The following SLC16A11 variants were observed in gnomAD, a reference collection of about 807,000 sequenced individuals.
SLC16A11 encodes the protein solute carrier family 16 member 11.
In SLC16A11, 24 loss-of-function variants were observed where a neutral mutation model predicts 26.0. The observed-to-expected ratio is 0.92, with a 90% confidence interval of 0.67 to 1.30. The LOEUF is 1.30. SLC16A11 is among the 50% of genes most tolerant of loss of function. The pLI, the probability that SLC16A11 is intolerant of heterozygous loss-of-function variation, is 0.00. For missense variants in SLC16A11, 638 were observed against 597.7 expected, an observed-to-expected ratio of 1.07 and a Z score of -0.70; for synonymous variants, 332 against 296.0, an observed-to-expected ratio of 1.12 and a Z score of -1.25.
At chr17:7,043,199 T>G in intron 2 of SLC16A11, 113 bp downstream of exon 2, 1 of 1,478,406 alleles carries the variant, frequency 6.8e-7, no homozygotes, top group Non-Finnish European at 8.9e-7. Flanking sequence ...ATGCACTCTT[T>G]TCTAGAGCCG....
At position 7,042,499 on chromosome 17, in the gene SLC16A11, C is replaced by A. The variant is rs34269551; in HGVS notation, c.611G>T (p.Arg204Leu). The change falls in exon 4 of 5, where the codon CGT becomes CTT. Residue 204 changes from arginine (R) to leucine (L), a missense_variant. Physicochemically the swap from Arg to Leu is moderately radical, Grantham distance 102. Coordinates refer to ENST00000574600, the MANE Select transcript of SLC16A11 (RefSeq NM_001370549.1). The surrounding 1 kb of genome is among the most constrained non-coding windows in gnomAD (Gnocchi z 5.9). ...VLPGDPPAPP[R>L]SPLAALGLSL... ...CAGGCCGAGGGCAGCTAGGGGACTA[C>A]GCGGTGGGGCTGGGGGGTCTCCAGG... 1.1e-5 allele frequency: 17 copies of A among 1,561,206 alleles called. No homozygotes were observed. The highest frequency in any genetic ancestry group is 3.5e-5 in the South Asian group (3 of 85,008).
chr17:7,043,995 G>A lies in SLC16A11; in HGVS notation c.-227C>T, dbSNP rs182793146. The A allele has an allele frequency of 6.9e-4, 122 of 177,582 alleles. 4 individuals are homozygous for A. In the East Asian group the frequency reaches 0.011, roughly 16 times the overall value. 11.0% of individuals were successfully genotyped at this position (177,582 alleles called of 1,614,324 possible). On this transcript the variant is annotated 5_prime_UTR_variant, in exon 1 of 5. Transcript: ENST00000574600. ...GGGGGCGAGCTGAAACAGCCAATCC[G>A]GCAAGCCGCGCGTGAGGCCAGACGC...
Position 7,042,652 on chromosome 17 carries a change from G to A in SLC16A11, c.458C>T (p.Ser153Leu), listed in dbSNP as rs753353144. Residue 153 changes from serine (S) to leucine (L), a missense_variant, in exon 4 of 5, where the codon TCG (serine) becomes TTG (leucine). Ser to Leu is a moderately radical substitution (Grantham distance 145, BLOSUM62 -2). Transcript: ENST00000574600. This position sits in a 1 kb window ranked among gnomAD's most constrained non-coding sequence, Gnocchi z 5.9. ...CTGCAAGGCGGGCGCCAGGAGCAGC[G>A]AGGAGGCCCCGTTGCCGGTGAGCGC... The part of the protein sequence containing the change: ...GLALTGNGAS[S>L]LLLAPALQLL... The A allele has an allele frequency of 1.2e-5, 19 of 1,565,688 alleles. No individual in the cohort carries two copies. Among genetic ancestry groups the A allele is most frequent in the Non-Finnish European group, 1.4e-5 (16 of 1,159,758 alleles).
chr17:7,043,237 T>A (rs1910846956), intron 2 of SLC16A11, 75 bp downstream of exon 2: 7 of 1,525,704 alleles, frequency 4.6e-6, no homozygotes, highest in Admixed American at 2.1e-5. Context: ...TGTCGGGTAA[T>A]CAGGTGGGTC....
In SLC16A11 at chr17:7,043,061, C is replaced by G. The variant is rs767901540; in HGVS notation, c.215G>C (p.Ser72Thr). The G allele has an allele frequency of 2.6e-6, 4 of 1,553,854 alleles. No individual in the cohort carries two copies. Among genetic ancestry groups the G allele is most frequent in the Admixed American group, 2.0e-5 (1 of 50,710 alleles). The change falls in exon 3 of 5, where the codon AGC becomes ACC. Residue 72 changes from serine to threonine, a missense_variant. Physicochemically the swap from Ser to Thr is moderately conservative, Grantham distance 58. Coordinates refer to ENST00000574600, the MANE Select transcript of SLC16A11 (RefSeq NM_001370549.1). Reference sequence around the variant, plus strand: ...GGCCCCCCAGCGCGTGCTCAGGGCGCTGCCCACGGGGCCTGAAAGGGGGCG... The same window carrying G: ...GGCCCCCCAGCGCGTGCTCAGGGCGGTGCCCACGGGGCCTGAAAGGGGGCG... ...AVQQAASPVG[S>T]ALSTRWGARP...
At position 7,042,675 on chromosome 17, in the gene SLC16A11, C is replaced by A. The variant is rs528306978; in HGVS notation, c.435G>T (p.Ala145=). 2 of 1,555,426 alleles carry A rather than the reference C, an allele frequency of 1.3e-6. No homozygotes were observed. Among genetic ancestry groups the A allele is most frequent in the Non-Finnish European group, 1.7e-6 (2 of 1,154,832 alleles). ...GCGAGGAGGCCCCGTTGCCGGTGAG[C>A]GCCAGCCCCACCGCCAAGACTCGAC... ...SRRRVLAVGL[A]LTGNGASSLL... The change falls in exon 4 of 5, where the codon GCG becomes GCT. Residue 145 remains alanine (A), a synonymous_variant. Transcript: ENST00000574600. This position sits in a 1 kb window ranked among gnomAD's most constrained non-coding sequence, Gnocchi z 5.9.
Position 7,044,060 on chromosome 17 carries a change from C to G in SLC16A11, c.-292G>C, listed in dbSNP as rs1325625877. On this transcript the variant is annotated 5_prime_UTR_variant, in exon 1 of 5. Coordinates refer to ENST00000574600, the MANE Select transcript of SLC16A11 (RefSeq NM_001370549.1). Reference sequence around the variant, plus strand: ...TTGAATTATGTACACACACAACCCCCAGGCCCGGGGGAGGGGGGAGCGGCG... The same window carrying G: ...TTGAATTATGTACACACACAACCCCGAGGCCCGGGGGAGGGGGGAGCGGCG... 1 of 155,646 alleles carries G rather than the reference C, an allele frequency of 6.4e-6. No homozygotes were observed. Among genetic ancestry groups the G allele is most frequent in the Admixed American group, 6.5e-5 (1 of 15,432 alleles). The allele number at this position is 155,646 out of a possible 1,614,324, so 9.6% of individuals were successfully genotyped here. A position where few individuals can be genotyped will look rare whatever the true frequency, so the allele number is the denominator to read the frequency against.
Position 7,043,380 on chromosome 17 carries a change from T to G in SLC16A11, c.134A>C (p.His45Pro). The change falls in exon 2 of 5, where the codon CAC becomes CCC. Residue 45 changes from histidine to proline, a missense_variant. Physicochemically the swap from His to Pro is moderately conservative, Grantham distance 77. Coordinates refer to ENST00000574600, the MANE Select transcript of SLC16A11 (RefSeq NM_001370549.1). ...AGTGTCCTGGGCGCTTCGGTCAAAG[T>G]GCTCGGCAAGGTCAGGGAAGGCAAG... ...LGLAFPDLAE[H>P]FDRSAQDTAW... The G allele has an allele frequency of 6.2e-7, 1 of 1,610,268 alleles. No individual in the cohort carries two copies. Among genetic ancestry groups the G allele is most frequent in the East Asian group, 2.2e-5 (1 of 44,868 alleles).
At position 7,043,477 on chromosome 17, in the gene SLC16A11, A is replaced by AGCCCCC. The variant is rs770500887; in HGVS notation, c.31_36dup (p.Gly11_Gly12dup). ...GCTGCGGCCGCCACCACCCAGCCCC[A>AGCCCCC]GCCCCCATCCGGGGGTCCGGCGGGC... is the stretch of plus-strand genomic sequence containing the variant. On this transcript the variant is annotated inframe_insertion, in exon 2 of 5. Coordinates refer to ENST00000574600, the MANE Select transcript of SLC16A11 (RefSeq NM_001370549.1). 34 of 1,598,734 alleles carry AGCCCCC rather than the reference A, an allele frequency of 2.1e-5. No individual in the cohort carries two copies. Among genetic ancestry groups the AGCCCCC allele is most frequent in the Non-Finnish European group, 2.9e-5 (34 of 1,177,770 alleles).
In SLC16A11 at chr17:7,041,632, C is replaced by T; in HGVS notation, c.*47G>A. 6.6e-7 allele frequency: 1 copy of T among 1,511,170 alleles called. No homozygotes were observed. Among genetic ancestry groups the T allele is most frequent in the South Asian group, 1.3e-5 (1 of 77,782 alleles). 93.6% of individuals were successfully genotyped at this position (1,511,170 alleles called of 1,614,324 possible). ...TGAACAGTTGGAGGTTTCAGGAAAA[C>T]CCGATAAAAATTCTTTATTGGGGGA... On this transcript the variant is annotated 3_prime_UTR_variant, in exon 5 of 5. Coordinates refer to ENST00000574600, the MANE Select transcript of SLC16A11 (RefSeq NM_001370549.1).
At position 7,041,732 on chromosome 17, in the gene SLC16A11, C is replaced by A; in HGVS notation, c.1291G>T (p.Ala431Ser). The change falls in exon 5 of 5, where the codon GCA becomes TCA. Residue 431 changes from alanine (A) to serine (S), a missense_variant. By Grantham distance (99) the Ala-to-Ser change is moderately conservative. Transcript: ENST00000574600. ...ETGELLPAPQ[A>S]VLLSPGGPGS... ...GGGCCTCCTGGGGACAGCAAGACTG[C>A]CTGGGGAGCGGGAAGCAGCTCCCCC... 6.2e-7 allele frequency: 1 copy of A among 1,613,128 alleles called. No homozygotes were observed. The highest frequency in any genetic ancestry group is 1.1e-5 in the South Asian group (1 of 91,050).
In SLC16A11 at chr17:7,042,146, C is replaced by G; in HGVS notation, c.964G>C (p.Ala322Pro). The stretch of plus-strand genomic sequence containing the variant: ...CCCGCGCTCAGCCCATAGGCCACAG[C>G]CGCGGCCAGCAGGGGACCCCCCCAG... Reference protein sequence around the residue: ...ESWGGPLLAAAVAYGLSAGSY... With the variant: ...ESWGGPLLAAPVAYGLSAGSY... The change falls in exon 4 of 5, where the codon GCT (alanine) becomes CCT (proline). Residue 322 changes from alanine to proline, a missense_variant. Ala to Pro is a conservative substitution (Grantham distance 27). Transcript: ENST00000574600. The surrounding 1 kb of genome is among the most constrained non-coding windows in gnomAD (Gnocchi z 5.9). The G allele has an allele frequency of 6.3e-7, 1 of 1,584,904 alleles. No homozygotes were observed. The highest frequency in any genetic ancestry group is 8.6e-7 in the Non-Finnish European group (1 of 1,166,440).
chr17:7,042,042 C>A lies in SLC16A11; in HGVS notation c.1068G>T (p.Val356=). The A allele has an allele frequency of 6.3e-7, 1 of 1,594,742 alleles. No homozygotes were observed. The change falls in exon 4 of 5, where the codon GTG becomes GTT. Residue 356 remains valine, a synonymous_variant. Coordinates refer to ENST00000574600, the MANE Select transcript of SLC16A11 (RefSeq NM_001370549.1). The surrounding 1 kb of genome is among the most constrained non-coding windows in gnomAD (Gnocchi z 5.9). The stretch of plus-strand genomic sequence containing the variant: ...GCCCCCCGAGGCTCATCAGCATCAT[C>A]ACCAGCCCTGTGGCCTGCACCACAC... ...VGGVVQATGL[V]MMLMSLGGLL...
chr17:7,043,240 G>A (rs35634464), intron 2 of SLC16A11, 72 bp downstream of exon 2: 306,306 of 1,529,856 alleles, frequency 0.2, 35,065 homozygotes, highest in Non-Finnish European at 0.24. Flanking sequence ...CGGGTAATCA[G>A]GTGGGTCTCC....
intron 2 of SLC16A11, 40 bp from the exon 3 acceptor site, chr17:7,043,113 C>T (rs1597347846): frequency 6.7e-7 from 1 of 1,487,552 alleles, no homozygotes; most frequent in South Asian, 1.4e-5. Flanking sequence ...CGCCCCCGGG[C>T]CCCCAAACTC....
chr17:7,043,029 CG>C lies in SLC16A11; in HGVS notation c.246del (p.Val83TrpfsTer2). 9 of 1,581,640 alleles carry C rather than the reference CG, an allele frequency of 5.7e-6. No homozygotes were observed. Among genetic ancestry groups the C allele is most frequent in the Non-Finnish European group, 6.9e-6 (8 of 1,163,778 alleles). ...SALSTRWGAR[P>X]VVMVGGVLAS... ...GCGAGGACGCCCCCAACCATCACCA[CG>C]GGGCGGGCCCCCCAGCGCGTGCTCA... On this transcript the variant is annotated frameshift_variant, in exon 3 of 5. Transcript: ENST00000574600. LOFTEE classifies it high-confidence loss of function.
Position 7,042,272 on chromosome 17 carries a change from CT to C in SLC16A11, c.837del (p.Gly280AlafsTer15). On this transcript the variant is annotated frameshift_variant, in exon 4 of 5. Transcript: ENST00000574600. LOFTEE classifies it high-confidence loss of function. The surrounding 1 kb of genome is among the most constrained non-coding windows in gnomAD (Gnocchi z 5.9). ...ARLVCGWLAD[Q>X]GWVPLPRLLA... The stretch of plus-strand genomic sequence containing the variant: ...AGCAGCCGCGGGAGGGGCACCCAGC[CT>C]TGGTCTGCCAGCCACCCGCAGACCA... The C allele has an allele frequency of 6.4e-7, 1 of 1,572,474 alleles. No homozygotes were observed. The highest frequency in any genetic ancestry group is 8.6e-7 in the Non-Finnish European group (1 of 1,159,368).
At position 7,042,377 on chromosome 17, in the gene SLC16A11, C is replaced by CCCTAAA. The variant is rs752571975; in HGVS notation, c.732_733insTTTAGG (p.His244_Ala245insPheArg). The CCCTAAA allele has an allele frequency of 9.6e-6, 15 of 1,565,862 alleles. No homozygotes were observed. The African/African-American group carries it at 2.0e-4, about 21-fold the overall frequency. ...TATCCCCCCAGGCCCCGGTCTAAAG[C>CCCTAAA]GTGGGGAGCCAAGTGCACGTAAGGA... On this transcript the variant is annotated inframe_insertion, in exon 4 of 5. Transcript: ENST00000574600. The surrounding 1 kb of genome is among the most constrained non-coding windows in gnomAD (Gnocchi z 5.9).
At position 7,042,582 on chromosome 17, in the gene SLC16A11, G is replaced by A. The variant is rs1477537261; in HGVS notation, c.528C>T (p.Leu176=). 3.2e-6 allele frequency: 5 copies of A among 1,584,134 alleles called. No homozygotes were observed. Among genetic ancestry groups the A allele is most frequent in the African/African-American group, 1.3e-5 (1 of 74,758 alleles). ...GGGTGAGGTGGAGGGTGATCGCGCC[G>A]AGGAGGAGCAGAGCGCCCCGCCAGC... is the stretch of plus-strand genomic sequence containing the variant. ...TFGWRGALLL[L]GAITLHLTPC... Residue 176 remains leucine (L), a synonymous_variant, in exon 4 of 5, where the codon CTC becomes CTT. Coordinates refer to ENST00000574600, the MANE Select transcript of SLC16A11 (RefSeq NM_001370549.1). The surrounding 1 kb of genome is among the most constrained non-coding windows in gnomAD (Gnocchi z 5.9).
Sources: gnomAD v4.1 joint callset for allele counts on GRCh38, gnomAD v4.1.1 for gene constraint, Gnocchi (gnomAD v3.1) non-coding constraint, MANE v1.5 for transcripts, NCBI Gene and HGNC (gene_info 2026-07-23, HGNC 2026-07-21) for gene names.